The following MYBPC3 variants were observed in gnomAD, a reference collection of about 807,000 sequenced individuals.
The protein encoded by MYBPC3 is myosin-binding protein C, cardiac-type.
Under a neutral mutation model 159.3 loss-of-function variants are expected in MYBPC3, and 108 were observed. The observed-to-expected ratio is 0.68, with a 90% confidence interval of 0.58 to 0.80. MYBPC3 has a LOEUF of 0.80. MYBPC3 is among the 30% of genes least tolerant of loss of function. MYBPC3 has a pLI of 0.00. For missense variants in MYBPC3, 1,631 were observed against 1,762.1 expected, an observed-to-expected ratio of 0.93 and a Z score of 1.33; for synonymous variants, 730 against 702.0, an observed-to-expected ratio of 1.04 and a Z score of -0.63.
chr11:47,351,369 CT>C lies in MYBPC3; in HGVS notation c.161del (p.Lys54SerfsTer13). 1 of 1,608,132 alleles carries C rather than the reference CT, an allele frequency of 6.2e-7. No individual in the cohort carries two copies. Among genetic ancestry groups the C allele is most frequent in the Non-Finnish European group, 8.5e-7 (1 of 1,177,640 alleles). ...GTGTGCCCTCTGTGGCCAGGCCGTA[CT>C]TGTTGCTGGCGCTGATGTCACTGCC... ...RGGSDISASNKYGLATEGTRH... is the reference protein window; with the variant it reads ...RGGSDISASNXYGLATEGTRH... On this transcript the variant is annotated frameshift_variant, in exon 2 of 35. Coordinates refer to ENST00000545968, the MANE Select transcript of MYBPC3 (RefSeq NM_000256.3). LOFTEE classifies it high-confidence loss of function. The surrounding 1 kb of genome is among the most constrained non-coding windows in gnomAD (Gnocchi z 4.2).
chr11:47,341,985 A>G lies in MYBPC3; in HGVS notation c.1790+6T>C. ...CCTGTCCCATCCACCTGCCCTGCAC[A>G]CTCACCGCCCGATGTGGGACACCTT... is the stretch of plus-strand genomic sequence containing the variant. On this transcript the variant is annotated splice_donor_region_variant and intron_variant, in intron 18 of 34. Coordinates refer to ENST00000545968, the MANE Select transcript of MYBPC3 (RefSeq NM_000256.3). 6.4e-7 allele frequency: 1 copy of G among 1,555,026 alleles called. No individual in the cohort carries two copies. Among genetic ancestry groups the G allele is most frequent in the Non-Finnish European group, 8.7e-7 (1 of 1,148,784 alleles).
At chr11:47,342,438 G>C (rs1283704596) in intron 17 of MYBPC3, 140 bp downstream of exon 17, 2 of 1,139,030 alleles carry the variant, frequency 1.8e-6, no homozygotes, top group Admixed American at 5.9e-5. Context: ...GAGATGAGAA[G>C]GATGAGGTTT....
chr11:47,340,217 A>G (rs565581983), intron 20 of MYBPC3, among the ~76,000 whole-genome samples: 1 of 140,966 alleles, frequency 7.1e-6, no homozygotes, highest in Non-Finnish European at 1.5e-5. Flanking sequence ...ACAAATACAC[A>G]TACATACACG....
rs917814495 is a variant in MYBPC3, at chr11:47,338,458, G to A, written c.2308+62C>T. Reference sequence around the variant, plus strand: ...TTGTCGAGTGGCTGAATGAGCGAACGGATGGGCCCTCCTTGGGGCTGCCCC... The same window carrying A: ...TTGTCGAGTGGCTGAATGAGCGAACAGATGGGCCCTCCTTGGGGCTGCCCC... On this transcript the variant is annotated intron_variant, in intron 23 of 34. Transcript: ENST00000545968. The surrounding 1 kb of genome is among the most constrained non-coding windows in gnomAD (Gnocchi z 4.7). The A allele has an allele frequency of 6.2e-6, 10 of 1,605,264 alleles. No individual in the cohort carries two copies. The highest frequency in any genetic ancestry group is 3.3e-5 in the Admixed American group (2 of 59,734).
chr11:47,333,904 GA>G lies in MYBPC3; in HGVS notation c.2994+17del. The G allele has an allele frequency of 6.4e-7, 1 of 1,562,976 alleles. No homozygotes were observed. The highest frequency in any genetic ancestry group is 8.7e-7 in the Non-Finnish European group (1 of 1,153,328). ...TAGCCTCTCTCCCCTGGGGGACAGG[GA>G]AGGGGGCCAGTCCCACCTGGAAAGG... On this transcript the variant is annotated intron_variant, in intron 28 of 34. Coordinates refer to ENST00000545968, the MANE Select transcript of MYBPC3 (RefSeq NM_000256.3).
At position 47,333,934 on chromosome 11, in the gene MYBPC3, G is replaced by A. The variant is rs745460535; in HGVS notation, c.2982C>T (p.Leu994=). The change falls in exon 28 of 35, where the codon CTC becomes CTT. Residue 994 remains leucine (L), a synonymous_variant. Transcript: ENST00000545968. ...GGGCCAGTCCCACCTGGAAAGGGAT[G>A]AGAAGGTTCACAGGCTCCCCGACCT... ...QKKVGEPVNL[L]IPFQGKPRPQ... 38 of 1,576,942 alleles carry A rather than the reference G, an allele frequency of 2.4e-5. No individual in the cohort carries two copies. The highest frequency in any genetic ancestry group is 3.1e-5 in the Non-Finnish European group (36 of 1,161,278).
intron 18 of MYBPC3, 37 bp downstream of exon 18, chr11:47,341,954 T>C: frequency 6.4e-7 from 1 of 1,550,950 alleles, no homozygotes; most frequent in Non-Finnish European, 8.7e-7. Context: ...TCCATCTCAG[T>C]CTCCACCTGT....
Position 47,335,203 on chromosome 11 carries a change from T to G in MYBPC3, c.2744A>C (p.Glu915Ala). The change falls in exon 27 of 35, where the codon GAG becomes GCG. Residue 915 changes from glutamate (E) to alanine (A), a missense_variant. Transcript: ENST00000545968. The part of the protein sequence containing the change: ...SVEYCPEGCS[E>A]WVAALQGLTE... The stretch of plus-strand genomic sequence containing the variant: ...CAGCCCCTGCAGGGCAGCCACCCAC[T>G]CTGAGCCTGGGGGTGGGGAGGGGGA... 6.3e-7 allele frequency: 1 copy of G among 1,591,378 alleles called. No individual in the cohort carries two copies. Among genetic ancestry groups the G allele is most frequent in the Non-Finnish European group, 8.6e-7 (1 of 1,167,296 alleles).
At position 47,340,897 on chromosome 11, in the gene MYBPC3, C is replaced by A. The variant is rs564969999; in HGVS notation, c.1927+106G>T. 2.5e-5 allele frequency: 32 copies of A among 1,291,098 alleles called. No homozygotes were observed. In the Middle Eastern group the frequency reaches 5.9e-4, roughly 24 times the overall value. 80.0% of individuals were successfully genotyped at this position (1,291,098 alleles called of 1,614,324 possible). A position where few individuals can be genotyped will look rare whatever the true frequency, so the allele number is the denominator to read the frequency against. On this transcript the variant is annotated intron_variant, in intron 20 of 34. Transcript: ENST00000545968. ...CAAAGCTGAAGCTGGGCCCCAGGAC[C>A]CCCACTTTTGATCCTTGCTCTTCCC...
chr11:47,341,476 C>T (rs2095888525), intron 18 of MYBPC3, among the ~76,000 whole-genome samples: 1 of 152,358 alleles, frequency 6.6e-6, no homozygotes, highest in Non-Finnish European at 1.5e-5. Flanking sequence ...CTTGGCTGGG[C>T]CCTTGGAGAC....
In MYBPC3 at chr11:47,333,481, T is replaced by C. The variant is rs11570114; in HGVS notation, c.3190+76A>G. The C allele has an allele frequency of 1.4e-3, 2,147 of 1,570,790 alleles. 22 individuals carry two copies. In the African/African-American group the frequency reaches 0.025, roughly 18 times the overall value. On this transcript the variant is annotated intron_variant, in intron 29 of 34. Transcript: ENST00000545968. ...AATGTGAGCTGTGGGTTGGGTCCCC[T>C]GGCCCCACCCTTGGCCCCAGCAGCC...
chr11:47,334,918 CCTGTCTCTGCCCAGCGTT>C (rs2095880724), intron 27 of MYBPC3, 106 bp downstream of exon 27: 2 of 1,181,808 alleles, frequency 1.7e-6, no homozygotes, highest in East Asian at 6.2e-5. Context: ...TCCAACCCCT[CCTGTCTCTGCCCAGCGTT>C]CTGGGCAGAG....
chr11:47,350,352 C>T, intron 3 of MYBPC3, 150 bp downstream of exon 3: 1 of 1,352,206 alleles, frequency 7.4e-7, no homozygotes, highest in Non-Finnish European at 1.0e-6. Flanking sequence ...GTCTCAATCT[C>T]CTGACCTCAT....
Position 47,343,183 on chromosome 11 carries a change from G to A in MYBPC3, c.1227-38C>T, listed in dbSNP as rs181483473. 192 of 1,601,622 alleles carry A rather than the reference G, an allele frequency of 1.2e-4. 2 individuals carry two copies. The highest frequency in any genetic ancestry group is 7.6e-4 in the African/African-American group (57 of 74,864). ...CGCAGGGAAGTGGCAGGAAAGCTGC[G>A]GACACCCCTCCGGGCCCAGTGCGCC... is the stretch of plus-strand genomic sequence containing the variant. On this transcript the variant is annotated intron_variant, in intron 14 of 34. Coordinates refer to ENST00000545968, the MANE Select transcript of MYBPC3 (RefSeq NM_000256.3).
In MYBPC3 at chr11:47,337,557, C is replaced by T. The variant is rs727504251; in HGVS notation, c.2436G>A (p.Lys812=). ...GCCGCATCCACCGGTAGCTCTTCTT[C>T]TTCTTGCGCTCCAGGATGTAGCCTG... is the stretch of plus-strand genomic sequence containing the variant. ...PILGYILERK[K]KKSYRWMRLN... The change falls in exon 25 of 35, where the codon AAG becomes AAA. Residue 812 remains lysine, a synonymous_variant. Coordinates refer to ENST00000545968, the MANE Select transcript of MYBPC3 (RefSeq NM_000256.3). 3.1e-6 allele frequency: 5 copies of T among 1,614,000 alleles called. No homozygotes were observed. Among genetic ancestry groups the T allele is most frequent in the Non-Finnish European group, 4.2e-6 (5 of 1,179,898 alleles).
At position 47,338,397 on chromosome 11, in the gene MYBPC3, T is replaced by A; in HGVS notation, c.2308+123A>T. The A allele has an allele frequency of 7.1e-7, 1 of 1,404,826 alleles. No homozygotes were observed. The highest frequency in any genetic ancestry group is 9.6e-7 in the Non-Finnish European group (1 of 1,036,784). 87.0% of individuals were successfully genotyped at this position (1,404,826 alleles called of 1,614,324 possible). A position where few individuals can be genotyped will look rare whatever the true frequency, so the allele number is the denominator to read the frequency against. ...TCCTTTTGGGCAGAAAAACCTGTCC[T>A]GTTGCCGCTCGGCTCAGGGAGCATG... is the stretch of plus-strand genomic sequence containing the variant. On this transcript the variant is annotated intron_variant, in intron 23 of 34. Coordinates refer to ENST00000545968, the MANE Select transcript of MYBPC3 (RefSeq NM_000256.3). This position sits in a 1 kb window ranked among gnomAD's most constrained non-coding sequence, Gnocchi z 4.7.
At position 47,339,691 on chromosome 11, in the gene MYBPC3, T is replaced by A; in HGVS notation, c.2027A>T (p.Asp676Val). Residue 676 changes from aspartate to valine, a missense_variant, in exon 21 of 35, where the codon GAC becomes GTC. Asp to Val is a radical substitution (Grantham distance 152, BLOSUM62 -3). Transcript: ENST00000545968. ...CTGCCAGATCACAGTGGGAGCAGGGTCCCCAGAGATAGGGACGTCCAGACG... is the reference window on the plus strand; with the variant it reads ...CTGCCAGATCACAGTGGGAGCAGGGACCCCAGAGATAGGGACGTCCAGACG... Reference protein sequence around the residue: ...KLRLDVPISGDPAPTVIWQKA... With the variant: ...KLRLDVPISGVPAPTVIWQKA... 1 of 1,612,774 alleles carries A rather than the reference T, an allele frequency of 6.2e-7. No individual in the cohort carries two copies. Among genetic ancestry groups the A allele is most frequent in the Non-Finnish European group, 8.5e-7 (1 of 1,179,234 alleles).
chr11:47,349,564 C>T (rs2095898135), intron 5 of MYBPC3, among the ~76,000 whole-genome samples: 1 of 151,920 alleles, frequency 6.6e-6, no homozygotes, highest in African/African-American at 2.4e-5. Flanking sequence ...CGACAGTGCT[C>T]CCATGAGCCT....
In MYBPC3 at chr11:47,351,883, T is replaced by C. The variant is rs1427443472; in HGVS notation, c.26-378A>G. Among the ~76,000 whole-genome samples the C allele has an allele frequency of 6.6e-6, 1 of 152,182 alleles. No homozygotes were observed. The highest frequency in any genetic ancestry group is 1.5e-5 in the Non-Finnish European group (1 of 68,030). ...GGCGGGGAAGTCTGCCTACTTGGAATGTGGCCAAATTTGTCCTCCAAGGAC... is the reference window on the plus strand; with the variant it reads ...GGCGGGGAAGTCTGCCTACTTGGAACGTGGCCAAATTTGTCCTCCAAGGAC... On this transcript the variant is annotated intron_variant, in intron 1 of 34. Transcript: ENST00000545968. This position sits in a 1 kb window ranked among gnomAD's most constrained non-coding sequence, Gnocchi z 4.2.
Sources: gnomAD v4.1 joint callset for allele counts (sites outside exome capture counted in the v4.1 genomes callset) on GRCh38, gnomAD v4.1.1 for gene constraint, Gnocchi (gnomAD v3.1) non-coding constraint, MANE v1.5 for transcripts, NCBI Gene and HGNC (gene_info 2026-07-23, HGNC 2026-07-21) for gene names.